ARL15: variants seen among roughly 807,000 people sequenced by gnomAD.
The protein encoded by ARL15 is ADP-ribosylation factor-like protein 15.
ARL15 carries 19 observed loss-of-function variants against 25.2 expected under a neutral mutation model. The ratio of observed to expected loss-of-function variants is 0.75; its 90% CI spans 0.53 to 1.10. ARL15 has a LOEUF of 1.10. Ranked by LOEUF, ARL15 falls within the 50% of genes least tolerant of loss-of-function variation. The pLI is 0.00. For missense variants in ARL15, 220 were observed against 246.0 expected, an observed-to-expected ratio of 0.89 and a Z score of 0.71; for synonymous variants, 94 against 86.8, an observed-to-expected ratio of 1.08 and a Z score of -0.46.
At chr5:54,217,247 C>A (rs1315800504) in intron 1 of ARL15, among the ~76,000 whole-genome samples, 1 of 151,134 alleles carries the variant, frequency 6.6e-6, no homozygotes, top group Non-Finnish European at 1.5e-5. Context: ...AATTTCACCT[C>A]CCATCCTATA....
chr5:54,072,162 T>TA (rs1250688029), intron 4 of ARL15, among the ~76,000 whole-genome samples: 2 of 152,114 alleles, frequency 1.3e-5, no homozygotes, highest in Non-Finnish European at 2.9e-5. Flanking sequence ...GATATGTCTT[T>TA]AAAAATCATA....
At chr5:54,162,023 A>ACACT (rs1232223896) in intron 2 of ARL15, among the ~76,000 whole-genome samples, 73 of 143,432 alleles carry the variant, frequency 5.1e-4, no homozygotes, top group African/African-American at 1.8e-3. Context: ...ACACACACAC[A>ACACT]CAGAGAGAGA....
intron 4 of ARL15, among the ~76,000 whole-genome samples, chr5:53,989,078 T>C (rs1748395757): frequency 6.6e-6 from 1 of 152,102 alleles, no homozygotes; most frequent in African/African-American, 2.4e-5. Flanking sequence ...GAATGGATAA[T>C]TGAAAGAGTC....
chr5:54,132,705 T>C (rs1199673076), intron 3 of ARL15, among the ~76,000 whole-genome samples: 2 of 152,228 alleles, frequency 1.3e-5, no homozygotes, highest in African/African-American at 4.8e-5. Flanking sequence ...GGTGGATTAT[T>C]CATGCCTCCC....
chr5:53,982,807 G>A (rs1361296808), intron 4 of ARL15, among the ~76,000 whole-genome samples: 1 of 152,178 alleles, frequency 6.6e-6, no homozygotes, highest in African/African-American at 2.4e-5. Context: ...CACCAACAGT[G>A]TAAAGGCATT....
At chr5:54,291,402 C>A (rs778101490) in intron 1 of ARL15, among the ~76,000 whole-genome samples, 25 of 152,168 alleles carry the variant, frequency 1.6e-4, no homozygotes, top group Non-Finnish European at 3.2e-4. Context: ...TACATCATCT[C>A]TAGATTACTT....
intron 2 of ARL15, among the ~76,000 whole-genome samples, chr5:54,168,918 C>T (rs1754648743): frequency 6.6e-6 from 1 of 152,136 alleles, no homozygotes; most frequent in Non-Finnish European, 1.5e-5. Context: ...CTGTTTTTAT[C>T]AATACACAAC....
chr5:54,256,222 C>T (rs61314486), intron 1 of ARL15, among the ~76,000 whole-genome samples: 1,597 of 151,580 alleles, frequency 0.011, 37 homozygotes, highest in African/African-American at 0.037. Flanking sequence ...GAAATGAAAA[C>T]GGAGACATTA....
Position 54,164,233 on chromosome 5 carries a change from T to C in ARL15, c.193+7551A>G, listed in dbSNP as rs76934317. ...AATTCTATCACGGTCTAAGAACATA[T>C]TGGATATAACTTGAAGCCACTTAAA... On this transcript the variant is annotated intron_variant, in intron 2 of 4. Coordinates refer to ENST00000504924, the MANE Select transcript of ARL15 (RefSeq NM_019087.3). Among the ~76,000 whole-genome samples, 451 of 152,106 alleles carry C rather than the reference T, an allele frequency of 3.0e-3. 5 individuals are homozygous for C. The highest frequency in any genetic ancestry group is 0.01 in the African/African-American group (429 of 41,540).
intron 1 of ARL15, among the ~76,000 whole-genome samples, chr5:54,204,393 C>T (rs565611162): frequency 2.0e-5 from 3 of 152,266 alleles, no homozygotes; most frequent in East Asian, 1.9e-4. Flanking sequence ...CTTTTCCTTC[C>T]CTCTGCACGT....
At position 53,933,372 on chromosome 5, in the gene ARL15, C is replaced by A. The variant is rs1254819868; in HGVS notation, c.463-46659G>T. 5.9e-5 allele frequency among the ~76,000 whole-genome samples: 9 copies of A among 152,050 alleles called. No homozygotes were observed. The East Asian group carries it at 1.6e-3, about 26-fold the overall frequency. ...AGTAAAGATGGAGAAAAAGGCCGGG[C>A]GCGGTGGCTCACGCCTGTAATCCCA... On this transcript the variant is annotated intron_variant, in intron 4 of 4. Transcript: ENST00000504924.
intron 1 of ARL15, among the ~76,000 whole-genome samples, chr5:54,191,802 T>C (rs777551600): frequency 2.6e-5 from 4 of 152,142 alleles, no homozygotes; most frequent in Admixed American, 6.5e-5. Context: ...CAAACCTCCG[T>C]ATAGTCTATT....
intron 4 of ARL15, among the ~76,000 whole-genome samples, chr5:53,923,619 T>C (rs1745923941): frequency 6.6e-6 from 1 of 152,224 alleles, no homozygotes; most frequent in African/African-American, 2.4e-5. Flanking sequence ...TCGGTTCTGG[T>C]ATATTCTTGA....
intron 3 of ARL15, among the ~76,000 whole-genome samples, chr5:54,119,101 C>A (rs1752996844): frequency 6.6e-6 from 1 of 152,170 alleles, no homozygotes. Context: ...CACCTTCCAG[C>A]TGGATCAGTA....
intron 4 of ARL15, among the ~76,000 whole-genome samples, chr5:54,086,442 CT>C (rs35248295): frequency 0.11 from 16,435 of 146,230 alleles, 1,012 homozygotes; most frequent in Middle Eastern, 0.16. Context: ...ATGAAAAGGC[CT>C]TTTTTTTTTT....
chr5:54,241,094 A>G (rs928450266), intron 1 of ARL15, among the ~76,000 whole-genome samples: 1 of 152,220 alleles, frequency 6.6e-6, no homozygotes. Flanking sequence ...GATGCTTAAT[A>G]CTATATAATG....
intron 4 of ARL15, among the ~76,000 whole-genome samples, chr5:54,011,145 TAA>T (rs1472216801): frequency 6.6e-6 from 1 of 152,132 alleles, no homozygotes; most frequent in Non-Finnish European, 1.5e-5. Context: ...GATTCAAGGT[TAA>T]GTCTCTAGAG....
chr5:54,257,121 A>T (rs1423640752), intron 1 of ARL15, among the ~76,000 whole-genome samples: 1 of 152,150 alleles, frequency 6.6e-6, no homozygotes, highest in African/African-American at 2.4e-5. Flanking sequence ...AAATAAAGGG[A>T]ACCCAAGTTG....
chr5:54,088,409 T>C (rs1171028615), intron 4 of ARL15, among the ~76,000 whole-genome samples: 2 of 152,036 alleles, frequency 1.3e-5, no homozygotes, highest in East Asian at 1.9e-4. Context: ...CAAAGACACA[T>C]AGTATGTACA....
Sources: allele counts gnomAD v4.1 joint callset (sites outside exome capture counted in the v4.1 genomes callset), GRCh38; gene constraint gnomAD v4.1.1; transcripts MANE v1.5; gene names NCBI Gene and HGNC (gene_info 2026-07-23, HGNC 2026-07-21).